RIN2: variants seen among roughly 807,000 people sequenced by gnomAD.
RIN2 encodes the protein RAB5 interacting protein 2.
Under a neutral mutation model 78.0 loss-of-function variants are expected in RIN2, and 36 were observed. That is an observed-to-expected ratio of 0.46 (90% CI 0.35 to 0.61). The LOEUF (loss-of-function observed/expected upper bound fraction) is 0.61, where lower values mean the gene tolerates loss of function less well. Among genes scored for constraint, RIN2 ranks in the 20% least tolerant of loss-of-function variants. The pLI is 0.00. For missense variants in RIN2, 1,087 were observed against 1,159.7 expected, an observed-to-expected ratio of 0.94 and a Z score of 0.91; for synonymous variants, 466 against 466.8, an observed-to-expected ratio of 1.00 and a Z score of 0.02.
At chr20:19,920,861 C>CG (rs2039887274) in intron 3 of RIN2, among the ~76,000 whole-genome samples, 1 of 152,132 alleles carries the variant, frequency 6.6e-6, no homozygotes, top group South Asian at 2.1e-4. Flanking sequence ...TTAGTGGAGA[C>CG]GGGGTTTCAC....
At position 19,975,471 on chromosome 20, in the gene RIN2, A is replaced by G; in HGVS notation, c.1446A>G (p.Lys482=). 5 of 1,614,046 alleles carry G rather than the reference A, an allele frequency of 3.1e-6. No homozygotes were observed. Among genetic ancestry groups the G allele is most frequent in the Non-Finnish European group, 4.2e-6 (5 of 1,179,898 alleles). The change falls in exon 9 of 13, where the codon AAA becomes AAG. Residue 482 remains lysine (K), a synonymous_variant. Coordinates refer to ENST00000255006, the MANE Select transcript of RIN2 (RefSeq NM_018993.4). The surrounding 1 kb of genome is among the most constrained non-coding windows in gnomAD (Gnocchi z 4.9). ...TMAPPIKSKK[K]RSSSFVLPKL... ...CGCCCCCCATCAAGTCCAAAAAGAA[A>G]AGGAGCAGCTCCTTCGTGCTGCCCA...
intron 2 of RIN2, among the ~76,000 whole-genome samples, chr20:19,872,492 C>A (rs113673236): frequency 1.3e-5 from 2 of 152,196 alleles, no homozygotes; most frequent in Non-Finnish European, 2.9e-5. Context: ...ACCATACACT[C>A]CTATGCACGT....
chr20:19,978,676 T>C (rs1259036320), intron 9 of RIN2, among the ~76,000 whole-genome samples: 2 of 152,206 alleles, frequency 1.3e-5, no homozygotes, highest in East Asian at 3.9e-4. Flanking sequence ...CCTGAATACA[T>C]GTTCATTGCC....
chr20:19,883,723 C>G (rs1164184356), intron 2 of RIN2, among the ~76,000 whole-genome samples: 1 of 151,958 alleles, frequency 6.6e-6, no homozygotes, highest in Non-Finnish European at 1.5e-5. Flanking sequence ...TACATGGGCA[C>G]CAGCAGGGCT....
In RIN2 at chr20:19,859,755, A is replaced by G. The variant is rs1011369592; in HGVS notation, c.-36-29811A>G. Among the ~76,000 whole-genome samples the G allele has an allele frequency of 5.9e-5, 9 of 152,156 alleles. No homozygotes were observed. The East Asian group carries it at 1.7e-3, about 29-fold the overall frequency. The stretch of plus-strand genomic sequence containing the variant: ...ATGTCCTACTGACAGCTCAAACTCA[A>G]CAATTCCAAATTCAGCTCATTATCT... On this transcript the variant is annotated intron_variant, in intron 2 of 12. Transcript: ENST00000255006.
chr20:19,935,433 C>G, intron 4 of RIN2: 3 of 1,269,308 alleles, frequency 2.4e-6, no homozygotes, highest in Non-Finnish European at 3.0e-6. Flanking sequence ...TTCCTCCTGG[C>G]ACCAGAACCC....
intron 3 of RIN2, among the ~76,000 whole-genome samples, chr20:19,909,570 C>T (rs1048893670): frequency 2.0e-5 from 3 of 152,192 alleles, no homozygotes; most frequent in Admixed American, 1.3e-4. Flanking sequence ...CCCTACTCCC[C>T]GCTGGCATGG....
At chr20:19,765,964 C>T (rs1015390962) in intron 1 of RIN2, among the ~76,000 whole-genome samples, 6 of 152,076 alleles carry the variant, frequency 3.9e-5, no homozygotes, top group Non-Finnish European at 7.4e-5. Context: ...ATGGACCAGG[C>T]ACAGATGGGG....
At chr20:19,919,482 A>G (rs2039821430) in intron 3 of RIN2, among the ~76,000 whole-genome samples, 1 of 152,164 alleles carries the variant, frequency 6.6e-6, no homozygotes, top group African/African-American at 2.4e-5. Context: ...GATACTATAT[A>G]AAATAAGAGT....
chr20:19,867,064 A>T (rs1337687861), intron 2 of RIN2, among the ~76,000 whole-genome samples: 1 of 152,066 alleles, frequency 6.6e-6, no homozygotes, highest in African/African-American at 2.4e-5. Context: ...TTTCAAATTT[A>T]CACAAAGTTT....
intron 9 of RIN2, among the ~76,000 whole-genome samples, chr20:19,983,971 C>T (rs1010279946): frequency 1.3e-5 from 2 of 151,924 alleles, no homozygotes; most frequent in Non-Finnish European, 2.9e-5. Flanking sequence ...TGTTGGTTTG[C>T]TGCACCCATT....
chr20:19,933,041 G>A (rs748102033), intron 3 of RIN2, among the ~76,000 whole-genome samples: 14 of 151,834 alleles, frequency 9.2e-5, no homozygotes, highest in East Asian at 1.9e-4. Context: ...AAATTCCCCC[G>A]TTCTTTCTAG....
At chr20:19,794,039 A>G (rs990286265) in intron 1 of RIN2, among the ~76,000 whole-genome samples, 1 of 152,356 alleles carries the variant, frequency 6.6e-6, no homozygotes, top group Non-Finnish European at 1.5e-5. Context: ...TGTGAAGCTT[A>G]GATACACTAA....
At chr20:19,803,100 T>A (rs777562133) in intron 2 of RIN2, among the ~76,000 whole-genome samples, 2 of 152,228 alleles carry the variant, frequency 1.3e-5, no homozygotes, top group Non-Finnish European at 2.9e-5. Context: ...CACTGCCATC[T>A]GTGGGCTGAG....
chr20:19,997,280 T>C (rs1481056335), intron 12 of RIN2, among the ~76,000 whole-genome samples: 5 of 152,146 alleles, frequency 3.3e-5, no homozygotes, highest in Non-Finnish European at 7.4e-5. Context: ...GACCCCAGAA[T>C]CTCAGCAGCA....
intron 1 of RIN2, among the ~76,000 whole-genome samples, chr20:19,788,439 A>AAAAAAAAACAAAAAAAAAC (rs1555818732): frequency 1.5e-5 from 2 of 132,994 alleles, no homozygotes; most frequent in African/African-American, 6.5e-5. Context: ...TGCCAAAAAA[A>AAAAAAAAACAAAAAAAAAC]AAAAAAAAAA....
chr20:19,934,967 TAA>T (rs370429459), intron 3 of RIN2, 130 bp from the exon 4 acceptor site: 14,735 of 489,744 alleles, frequency 0.03, no homozygotes, highest in South Asian at 0.048. Flanking sequence ...GAGCCAAGAT[TAA>T]AAAAAAAAAA....
At chr20:19,866,788 A>T (rs2037522124) in intron 2 of RIN2, among the ~76,000 whole-genome samples, 1 of 151,866 alleles carries the variant, frequency 6.6e-6, no homozygotes, top group East Asian at 1.9e-4. Flanking sequence ...CCACACCAGC[A>T]TAATTATTGT....
chr20:19,796,556 G>A (rs1005931676), intron 1 of RIN2, among the ~76,000 whole-genome samples: 4 of 152,208 alleles, frequency 2.6e-5, no homozygotes, highest in African/African-American at 9.6e-5. Flanking sequence ...CCTGGGTATG[G>A]ATCATGATGT....
Sources: gnomAD v4.1 joint callset for allele counts (sites outside exome capture counted in the v4.1 genomes callset) on GRCh38, gnomAD v4.1.1 for gene constraint, Gnocchi (gnomAD v3.1) non-coding constraint, MANE v1.5 for transcripts, NCBI Gene and HGNC (gene_info 2026-07-23, HGNC 2026-07-21) for gene names.